Variants in ARHGAP23 observed in about 807,000 individuals in gnomAD.
ARHGAP23 encodes the protein rho GTPase-activating protein 23.
In ARHGAP23, 34 loss-of-function variants were observed where a neutral mutation model predicts 136.3. The ratio of observed to expected loss-of-function variants is 0.25; its 90% CI spans 0.19 to 0.33. The LOEUF (loss-of-function observed/expected upper bound fraction) is 0.33. Ranked by LOEUF, ARHGAP23 falls within the 10% of genes least tolerant of loss-of-function variation. The pLI is 1.00. For missense variants in ARHGAP23, 1,808 were observed against 2,139.0 expected (o/e 0.85, Z 3.05); for synonymous variants, 832 against 920.5 (o/e 0.90, Z 1.74).
intron 20 of ARHGAP23, among the ~76,000 whole-genome samples, chr17:38,493,846 C>T (rs989896953): frequency 3.9e-5 from 6 of 152,164 alleles, no homozygotes; most frequent in South Asian, 4.2e-4. Flanking sequence ...GATCTTGCAG[C>T]GGGCAAGTTG....
intron 12 of ARHGAP23, 22 bp from the exon 13 acceptor site, chr17:38,479,414 G>T: frequency 6.5e-7 from 1 of 1,536,460 alleles, no homozygotes; most frequent in South Asian, 1.2e-5. Context: ...GACATGATCC[G>T]CTCTCTCCTC....
chr17:38,490,634 G>C, intron 19 of ARHGAP23, 83 bp downstream of exon 19: 1 of 1,162,932 alleles, frequency 8.6e-7, no homozygotes. Flanking sequence ...CTGAGCTCCA[G>C]CAGGTCCAGT....
intron 23 of ARHGAP23, among the ~76,000 whole-genome samples, chr17:38,501,484 G>A (rs1336132892): frequency 1.3e-5 from 2 of 151,970 alleles, no homozygotes; most frequent in Non-Finnish European, 2.9e-5. Context: ...TGTATTTTTA[G>A]TGGAGACGGG....
intron 20 of ARHGAP23, among the ~76,000 whole-genome samples, chr17:38,494,052 C>T (rs765924595): frequency 1.8e-4 from 27 of 152,312 alleles, no homozygotes; most frequent in Non-Finnish European, 3.4e-4. Context: ...TTAGCAGCAT[C>T]GCTGGCTTCT....
chr17:38,458,245 C>G lies in ARHGAP23; in HGVS notation c.207C>G (p.Ala69=). The part of the protein sequence containing the change: ...RHFIVYPPES[A]VHCSLKEEEN... ...TCATCGTGTACCCACCCGAGTCGGC[C>G]GTGCACTGCAGCCTGAAGGTATGCC... The change falls in exon 2 of 24, where the codon GCC becomes GCG. Residue 69 remains alanine (A), a synonymous_variant. Coordinates refer to ENST00000622683, the MANE Select transcript of ARHGAP23 (RefSeq NM_001199417.2). 6.5e-7 allele frequency: 1 copy of G among 1,529,590 alleles called. No individual in the cohort carries two copies. The highest frequency in any genetic ancestry group is 8.8e-7 in the Non-Finnish European group (1 of 1,142,804). 94.8% of individuals were successfully genotyped at this position (1,529,590 alleles called of 1,614,324 possible).
chr17:38,451,093 C>T (rs1354797822), intron 1 of ARHGAP23: 1 of 152,256 alleles, frequency 6.6e-6, no homozygotes, highest in African/African-American at 2.4e-5. Context: ...TCCGCCACCA[C>T]CCTCTGGGGC....
intron 3 of ARHGAP23, among the ~76,000 whole-genome samples, chr17:38,462,247 CTTTTTTTTTTTTT>C (rs59822011): frequency 2.1e-5 from 1 of 46,850 alleles, no homozygotes; most frequent in Non-Finnish European, 3.6e-5. Flanking sequence ...CGCACCCGGC[CTTTTTTTTTTTTT>C]TTTTTTTTTT....
chr17:38,489,996 C>T (rs868043093), intron 17 of ARHGAP23, 106 bp from the exon 18 acceptor site: 3 of 1,085,618 alleles, frequency 2.8e-6, no homozygotes, highest in Non-Finnish European at 4.1e-6. Context: ...CTGGAGCCCC[C>T]GAACTGGAGG....
Position 38,510,497 on chromosome 17 carries a change from G to A in ARHGAP23, c.4001G>A (p.Gly1334Asp), listed in dbSNP as rs1229340237. Reference sequence around the variant, plus strand: ...GGCCGCCCAGACGGCGAGGGCGCGGGCCGGGGCGGTCCCCGCGCCCCGGAG... The same window carrying A: ...GGCCGCCCAGACGGCGAGGGCGCGGACCGGGGCGGTCCCCGCGCCCCGGAG... The part of the protein sequence containing the change: ...ARGRPDGEGA[G>D]RGGPRAPEPP... Residue 1334 changes from glycine (G) to aspartate (D), a missense_variant, in exon 24 of 24, where the codon GGC (glycine) becomes GAC (aspartate). This residue lies in a region of ARHGAP23 where 506 missense variants were observed against 455.8 expected (regional missense o/e 1.11). Coordinates refer to ENST00000622683, the MANE Select transcript of ARHGAP23 (RefSeq NM_001199417.2). This position sits in a 1 kb window ranked among gnomAD's most constrained non-coding sequence, Gnocchi z 4.6. 1.4e-5 allele frequency: 16 copies of A among 1,157,376 alleles called. No individual in the cohort carries two copies. The highest frequency in any genetic ancestry group is 1.6e-5 in the Non-Finnish European group (15 of 941,740). The allele number at this position is 1,157,376 out of a possible 1,614,324, so 71.7% of individuals were successfully genotyped here.
intron 10 of ARHGAP23, among the ~76,000 whole-genome samples, 152 bp downstream of exon 10, chr17:38,470,056 C>T (rs1016001880): frequency 6.6e-5 from 10 of 152,198 alleles, no homozygotes; most frequent in African/African-American, 1.9e-4. Context: ...GTGTCCACCG[C>T]GGGACCCGCC....
chr17:38,466,045 C>G (rs960410555), intron 6 of ARHGAP23, 122 bp from the exon 7 acceptor site: 3 of 738,352 alleles, frequency 4.1e-6, no homozygotes, highest in African/African-American at 3.8e-5. Context: ...CCCTCGTTCC[C>G]CCCACCGCTT....
At chr17:38,454,877 C>T (rs947560922) in intron 1 of ARHGAP23, among the ~76,000 whole-genome samples, 6 of 152,248 alleles carry the variant, frequency 3.9e-5, no homozygotes, top group Non-Finnish European at 7.3e-5. Context: ...AGGCCGTCTG[C>T]CCTGCTGTCA....
intron 1 of ARHGAP23, among the ~76,000 whole-genome samples, chr17:38,421,777 C>A (rs1004188256): frequency 6.6e-6 from 1 of 152,184 alleles, no homozygotes; most frequent in South Asian, 2.1e-4. Context: ...TGGCTCAGGG[C>A]CAGACAGAGG....
chr17:38,495,290 GGC>G (rs2040368667), intron 20 of ARHGAP23, among the ~76,000 whole-genome samples: 1 of 149,238 alleles, frequency 6.7e-6, no homozygotes, highest in Non-Finnish European at 1.5e-5. Flanking sequence ...GGAGTGCAAC[GGC>G]GCGGTCTCCA....
intron 20 of ARHGAP23, among the ~76,000 whole-genome samples, chr17:38,493,772 G>A (rs1452680439): frequency 6.6e-6 from 1 of 152,210 alleles, no homozygotes; most frequent in East Asian, 1.9e-4. Flanking sequence ...GAGGAACAGC[G>A]ACTTGCCCAG....
chr17:38,463,298 C>A, intron 5 of ARHGAP23, 30 bp from the exon 6 acceptor site: 1 of 1,551,686 alleles, frequency 6.4e-7, no homozygotes, highest in Non-Finnish European at 8.7e-7. Context: ...TGTTCCTTGA[C>A]CCAGCCTGAC....
chr17:38,453,811 G>A (rs1035115085), intron 1 of ARHGAP23: 4 of 144,272 alleles, frequency 2.8e-5, no homozygotes, highest in Admixed American at 2.7e-4. Flanking sequence ...GGGGCGGGCG[G>A]GGACCCCCGG....
At chr17:38,424,448 C>T (rs960428695), upstream of ARHGAP23, among the ~76,000 whole-genome samples, 4 of 152,296 alleles carry the variant, frequency 2.6e-5, no homozygotes, top group East Asian at 3.9e-4. Flanking sequence ...CCCCCACACC[C>T]ACTGGCCCCC....
chr17:38,461,303 G>A (rs956339020), intron 3 of ARHGAP23, among the ~76,000 whole-genome samples: 1 of 152,242 alleles, frequency 6.6e-6, no homozygotes, highest in African/African-American at 2.4e-5. Context: ...GGGGGCTGGT[G>A]GTGGGAGCGC....
Sources: allele counts gnomAD v4.1 joint callset (sites outside exome capture counted in the v4.1 genomes callset), GRCh38; gene constraint gnomAD v4.1.1; regional missense constraint gnomAD v4.1.1; non-coding constraint Gnocchi (gnomAD v3.1); transcripts MANE v1.5; gene names NCBI Gene and HGNC (gene_info 2026-07-23, HGNC 2026-07-21).